ZNF384: variants seen among roughly 807,000 people sequenced by gnomAD.
ZNF384 encodes the protein zinc finger protein 384.
Under a neutral mutation model 65.0 loss-of-function variants are expected in ZNF384, and 20 were observed. The observed-to-expected ratio is 0.31, with a 90% confidence interval of 0.22 to 0.45. The LOEUF is 0.45. Ranked by LOEUF, ZNF384 falls within the 20% of genes least tolerant of loss-of-function variation. ZNF384 has a pLI of 1.00. For synonymous variants in ZNF384, 310 were observed against 303.9 expected, an observed-to-expected ratio of 1.02 and a Z score of -0.21; for missense variants, 549 against 769.4, an observed-to-expected ratio of 0.71 and a Z score of 3.39.
At chr12:6,676,223 C>T (rs1366852180) in intron 7 of ZNF384, among the ~76,000 whole-genome samples, 1 of 152,106 alleles carries the variant, frequency 6.6e-6, no homozygotes, top group Non-Finnish European at 1.5e-5. Context: ...TCGCTTGAAC[C>T]TGGGTGGCAG....
At position 6,667,339 on chromosome 12, in the gene ZNF384, TCTTAC is replaced by T. The variant is rs1949998866; in HGVS notation, c.*370_*374del. On this transcript the variant is annotated 3_prime_UTR_variant, in exon 12 of 12. Coordinates refer to ENST00000683879, the MANE Select transcript of ZNF384 (RefSeq NM_001385745.1). The stretch of plus-strand genomic sequence containing the variant: ...GTTATCTGGGAGGGCCAGCCTCTAG[TCTTAC>T]ATCAGCCCAAACTTTGAGGATAAGG... The T allele has an allele frequency of 2.4e-6, 1 of 418,248 alleles. No individual in the cohort carries two copies. Among genetic ancestry groups the T allele is most frequent in the Admixed American group, 3.5e-5 (1 of 28,296 alleles). The allele number at this position is 418,248 out of a possible 1,614,324, so 25.9% of individuals were successfully genotyped here.
rs1248303913 is a variant in ZNF384 at position 6,678,355 on chromosome 12, G to C, written c.458C>G (p.Pro153Arg). 6.2e-7 allele frequency: 1 copy of C among 1,614,128 alleles called. No individual in the cohort carries two copies. The highest frequency in any genetic ancestry group is 1.7e-5 in the Admixed American group (1 of 60,010). Residue 153 changes from proline to arginine, a missense_variant, in exon 6 of 12, where the codon CCT (proline) becomes CGT (arginine). Pro to Arg is a moderately radical substitution (Grantham distance 103, BLOSUM62 -2). Coordinates refer to ENST00000683879, the MANE Select transcript of ZNF384 (RefSeq NM_001385745.1). This position sits in a 1 kb window ranked among gnomAD's most constrained non-coding sequence, Gnocchi z 4.9. ...SAPMIVSALP[P>R]GSQALQVVPD... ...GACAACCTGCAGGGCTTGTGAGCCA[G>C]GGGGAAGAGCTGAGACAATCATGGG... is the stretch of plus-strand genomic sequence containing the variant.
intron 10 of ZNF384, among the ~76,000 whole-genome samples, 175 bp from the exon 11 acceptor site, chr12:6,669,364 A>G (rs1950622920): frequency 6.6e-6 from 1 of 152,192 alleles, no homozygotes; most frequent in Non-Finnish European, 1.5e-5. Context: ...GGGTGGAAGC[A>G]TACCTCATGT....
intron 10 of ZNF384, among the ~76,000 whole-genome samples, chr12:6,669,859 T>C (rs1950823963): frequency 3.9e-5 from 6 of 152,080 alleles, no homozygotes; most frequent in African/African-American, 1.4e-4. Flanking sequence ...ACCTGGGAAG[T>C]TGCAGTAAGC....
At chr12:6,684,531 T>G (rs1475995227) in intron 2 of ZNF384, among the ~76,000 whole-genome samples, 2 of 151,752 alleles carry the variant, frequency 1.3e-5, no homozygotes. Context: ...CAAAGGAAAA[T>G]AAATAAAAAG....
At chr12:6,683,234 C>T (rs1276717084) in intron 2 of ZNF384, among the ~76,000 whole-genome samples, 1 of 150,334 alleles carries the variant, frequency 6.7e-6, no homozygotes, top group African/African-American at 2.5e-5. Flanking sequence ...GAGGTTGCAG[C>T]GAGCCGAGAT....
rs75790713 is a variant in ZNF384, at chr12:6,682,773, T to C, written c.-5-3248A>G. Reference sequence around the variant, plus strand: ...CTTTTTGGGAAGGAGCAATCACATCTTTTACATCTGTATCTTACAAATATC... The same window carrying C: ...CTTTTTGGGAAGGAGCAATCACATCCTTTACATCTGTATCTTACAAATATC... On this transcript the variant is annotated intron_variant, in intron 2 of 11. Coordinates refer to ENST00000683879, the MANE Select transcript of ZNF384 (RefSeq NM_001385745.1). 7.7e-3 allele frequency among the ~76,000 whole-genome samples: 1,168 copies of C among 152,304 alleles called. 16 individuals are homozygous for C. Among genetic ancestry groups the C allele is most frequent in the African/African-American group, 0.025 (1,020 of 41,562 alleles).
chr12:6,682,860 G>C (rs775562592), intron 2 of ZNF384, among the ~76,000 whole-genome samples: 1 of 152,204 alleles, frequency 6.6e-6, no homozygotes, highest in Non-Finnish European at 1.5e-5. Context: ...AACAACGGTA[G>C]ACTACCTACA....
Position 6,668,078 on chromosome 12 carries a change from G to A in ZNF384, c.1463C>T (p.Pro488Leu), listed in dbSNP as rs528456551. The change falls in exon 12 of 12, where the codon CCG becomes CTG. Residue 488 changes from proline (P) to leucine (L), a missense_variant. By Grantham distance (98) the Pro-to-Leu change is moderately conservative. This residue lies in a region of ZNF384 where 136 missense variants were observed against 183.0 expected (regional missense o/e 0.74). Transcript: ENST00000683879. ...CTGCACCTGTTGCTGAAGATCAGGC[G>A]GGTTGTGTTTGCGCATATGTTTCAT... ...YLMKHMRKHN[P>L]PDLQQQVQAA... 4.4e-6 allele frequency: 7 copies of A among 1,609,072 alleles called. No homozygotes were observed. The highest frequency in any genetic ancestry group is 2.7e-5 in the African/African-American group (2 of 74,910).
At chr12:6,676,953 C>T (rs562282381) in intron 7 of ZNF384, among the ~76,000 whole-genome samples, 9 of 152,226 alleles carry the variant, frequency 5.9e-5, no homozygotes, top group Middle Eastern at 3.4e-3. Context: ...TTATAAAGAG[C>T]GGTTTAAACA....
At chr12:6,679,421 G>T in intron 3 of ZNF384, 34 bp downstream of exon 3, 3 of 1,599,412 alleles carry the variant, frequency 1.9e-6, no homozygotes, top group South Asian at 2.2e-5. Flanking sequence ...TTACTACTGA[G>T]ACTTGGAGAG....
chr12:6,680,320 A>G (rs1592401705), intron 2 of ZNF384, among the ~76,000 whole-genome samples: 1 of 152,276 alleles, frequency 6.6e-6, no homozygotes, highest in East Asian at 1.9e-4. Flanking sequence ...TAGTTTGAGA[A>G]GGTTCCAGGC....
chr12:6,670,853 A>AG lies in ZNF384; in HGVS notation c.1188-16dup, dbSNP rs768515802. 1.2e-6 allele frequency: 2 copies of AG among 1,612,060 alleles called. No homozygotes were observed. Among genetic ancestry groups the AG allele is most frequent in the Non-Finnish European group, 1.7e-6 (2 of 1,178,260 alleles). Reference sequence around the variant, plus strand: ...CAGTGTGGATTCTGCACAGGATAAGAGAAAAAAGGGAAAGAATGTCAGCAA... The same window carrying AG: ...CAGTGTGGATTCTGCACAGGATAAGAGGAAAAAAGGGAAAGAATGTCAGCAA... On this transcript the variant is annotated splice_polypyrimidine_tract_variant and intron_variant, in intron 9 of 11. Coordinates refer to ENST00000683879, the MANE Select transcript of ZNF384 (RefSeq NM_001385745.1).
chr12:6,670,562 CTAT>C (rs2136480765), intron 10 of ZNF384, among the ~76,000 whole-genome samples, 195 bp downstream of exon 10: 1 of 152,268 alleles, frequency 6.6e-6, no homozygotes, highest in South Asian at 2.1e-4. Context: ...AAACAGATTA[CTAT>C]TATAAATATT....
chr12:6,672,512 G>C lies in ZNF384; in HGVS notation c.1025C>G (p.Thr342Arg). 1.2e-6 allele frequency: 2 copies of C among 1,614,044 alleles called. No homozygotes were observed. Among genetic ancestry groups the C allele is most frequent in the Non-Finnish European group, 1.7e-6 (2 of 1,179,934 alleles). Reference sequence around the variant, plus strand: ...GCACTTGTGGGGCTTGATGGTCTCCGTGTGCATCTTGGAGTGGATCCTGCC... The same window carrying C: ...GCACTTGTGGGGCTTGATGGTCTCCCTGTGCATCTTGGAGTGGATCCTGCC... ...QHTRIHSKMH[T>R]ETIKPHKCPH... Residue 342 changes from threonine to arginine, a missense_variant, in exon 9 of 12, where the codon ACG becomes AGG. Physicochemically the swap from Thr to Arg is moderately conservative, Grantham distance 71. Transcript: ENST00000683879. This position sits in a 1 kb window ranked among gnomAD's most constrained non-coding sequence, Gnocchi z 4.4.
At chr12:6,679,947 T>A (rs1391020494) in intron 2 of ZNF384, among the ~76,000 whole-genome samples, 1 of 152,220 alleles carries the variant, frequency 6.6e-6, no homozygotes, top group Non-Finnish European at 1.5e-5. Flanking sequence ...CTTTCTCTTA[T>A]TCTTCAAAAC....
intron 6 of ZNF384, 130 bp from the exon 7 acceptor site, chr12:6,677,389 C>T (rs770554162): frequency 1.6e-4 from 162 of 1,013,810 alleles, no homozygotes; most frequent in Non-Finnish European, 1.9e-4. Flanking sequence ...CTATACAGTG[C>T]TACCAAACTC....
intron 2 of ZNF384, among the ~76,000 whole-genome samples, chr12:6,687,310 C>T (rs1958277742): frequency 6.6e-6 from 1 of 152,158 alleles, no homozygotes; most frequent in Non-Finnish European, 1.5e-5. Context: ...CACCACCGGA[C>T]CACTTTACCC....
At chr12:6,674,121 C>A (rs559177227) in intron 7 of ZNF384, among the ~76,000 whole-genome samples, 22 of 152,326 alleles carry the variant, frequency 1.4e-4, no homozygotes, top group Admixed American at 3.3e-4. Flanking sequence ...ACCAACGTAG[C>A]TGCTAGGGGA....
Sources: allele counts gnomAD v4.1 joint callset (sites outside exome capture counted in the v4.1 genomes callset), GRCh38; gene constraint gnomAD v4.1.1; regional missense constraint gnomAD v4.1.1; non-coding constraint Gnocchi (gnomAD v3.1); transcripts MANE v1.5; gene names NCBI Gene and HGNC (gene_info 2026-07-23, HGNC 2026-07-21).